Variants in UGGT2 observed in about 807,000 individuals in gnomAD.
UGGT2 encodes the protein UDP-glucose glycoprotein glucosyltransferase 2.
Under a neutral mutation model 192.1 loss-of-function variants are expected in UGGT2, and 180 were observed. The ratio of observed to expected loss-of-function variants is 0.94; its 90% CI spans 0.83 to 1.06. The LOEUF (loss-of-function observed/expected upper bound fraction) is 1.06. Among genes scored for constraint, UGGT2 ranks in the 50% least tolerant of loss-of-function variants. The pLI is 0.00. For synonymous variants in UGGT2, 580 were observed against 591.0 expected, an observed-to-expected ratio of 0.98 and a Z score of 0.27; for missense variants, 1,849 against 1,795.7, an observed-to-expected ratio of 1.03 and a Z score of -0.54.
chr13:96,026,817 G>A (rs1211675707), intron 2 of UGGT2, among the ~76,000 whole-genome samples: 3 of 151,910 alleles, frequency 2.0e-5, no homozygotes, highest in African/African-American at 2.4e-5. Context: ...GACTACAGGC[G>A]CCCTCCACCG....
In UGGT2 at chr13:95,902,985, A is replaced by T. The variant is rs1429682753; in HGVS notation, c.2371T>A (p.Ser791Thr). Residue 791 changes from serine (S) to threonine (T), a missense_variant, in exon 21 of 39, where the codon TCT becomes ACT. By Grantham distance (58) the Ser-to-Thr change is moderately conservative. Transcript: ENST00000376747. ...AGAAAAGCTGCCAAAATTCCTCTAG[A>T]AATAGCTGTGTTCTCTTCATTTATT... Reference protein sequence around the residue: ...SKINEENTAISRGILAAFLTQ... With the variant: ...SKINEENTAITRGILAAFLTQ... 4 of 1,613,360 alleles carry T rather than the reference A, an allele frequency of 2.5e-6. No homozygotes were observed. The highest frequency in any genetic ancestry group is 2.5e-6 in the Non-Finnish European group (3 of 1,179,704).
intron 38 of UGGT2, among the ~76,000 whole-genome samples, chr13:95,813,784 G>C (rs990656588): frequency 6.6e-6 from 1 of 152,186 alleles, no homozygotes; most frequent in African/African-American, 2.4e-5. Flanking sequence ...CAGAGACCTA[G>C]AAGGGAAGAA....
At chr13:95,982,502 C>G (rs1410740077) in intron 10 of UGGT2, among the ~76,000 whole-genome samples, 1 of 152,104 alleles carries the variant, frequency 6.6e-6, no homozygotes, top group African/African-American at 2.4e-5. Context: ...TCAGCCTTCC[C>G]CATGCATTAT....
At chr13:95,932,204 T>C (rs2049304678) in intron 17 of UGGT2, among the ~76,000 whole-genome samples, 1 of 152,190 alleles carries the variant, frequency 6.6e-6, no homozygotes, top group Non-Finnish European at 1.5e-5. Context: ...GCATGGAATG[T>C]TTACCCATTT....
chr13:95,911,728 C>G (rs1052760087), intron 20 of UGGT2, among the ~76,000 whole-genome samples: 1 of 152,134 alleles, frequency 6.6e-6, no homozygotes, highest in Admixed American at 6.5e-5. Flanking sequence ...CTCCCTAACT[C>G]AACTTATGAG....
At chr13:95,942,287 T>C (rs74106061) in intron 15 of UGGT2, among the ~76,000 whole-genome samples, 1,721 of 149,096 alleles carry the variant, frequency 0.012, 39 homozygotes, top group African/African-American at 0.039. Flanking sequence ...CTGTAGGAAA[T>C]GTGGAAATTT....
chr13:95,945,202 A>G (rs1379133175), intron 15 of UGGT2, among the ~76,000 whole-genome samples: 1 of 151,976 alleles, frequency 6.6e-6, no homozygotes, highest in Non-Finnish European at 1.5e-5. Flanking sequence ...CATATATTTT[A>G]TTATTATTTT....
At chr13:96,016,739 C>T (rs945949018) in intron 4 of UGGT2, among the ~76,000 whole-genome samples, 12 of 152,206 alleles carry the variant, frequency 7.9e-5, no homozygotes, top group Non-Finnish European at 1.5e-4. Flanking sequence ...TTGGAACGCC[C>T]ACACAGAGTC....
At chr13:95,947,277 T>A in intron 14 of UGGT2, 105 bp from the exon 15 acceptor site, 1 of 1,187,826 alleles carries the variant, frequency 8.4e-7, no homozygotes, top group Non-Finnish European at 1.2e-6. Flanking sequence ...GGAGAGAATG[T>A]ATTAATAGAC....
chr13:95,973,194 TAATA>T (rs2050831574), intron 10 of UGGT2, among the ~76,000 whole-genome samples: 1 of 151,634 alleles, frequency 6.6e-6, no homozygotes, highest in Non-Finnish European at 1.5e-5. Context: ...AAATAATAAA[TAATA>T]AATAAAAATA....
chr13:95,889,172 GCATACTAAAAAGCATCATACTA>G (rs74265277), intron 25 of UGGT2, among the ~76,000 whole-genome samples: 54,355 of 151,776 alleles, frequency 0.36, 10,129 homozygotes, highest in Middle Eastern at 0.41. Flanking sequence ...TAGGGATTTT[GCATACTAAAAAGCATCATACTA>G]GCTCCACTCC....
intron 10 of UGGT2, among the ~76,000 whole-genome samples, chr13:95,978,028 A>T (rs551454598): frequency 1.3e-5 from 2 of 152,114 alleles, no homozygotes; most frequent in Admixed American, 1.3e-4. Flanking sequence ...GCCAGGGGGT[A>T]GGGGGCAAGG....
intron 10 of UGGT2, among the ~76,000 whole-genome samples, chr13:95,980,661 A>C (rs990265340): frequency 2.6e-5 from 4 of 152,184 alleles, no homozygotes; most frequent in Non-Finnish European, 5.9e-5. Context: ...TTTTAACTAA[A>C]GCCTTTGCGC....
At chr13:96,007,475 T>C (rs1028188330) in intron 5 of UGGT2, among the ~76,000 whole-genome samples, 3 of 151,894 alleles carry the variant, frequency 2.0e-5, no homozygotes, top group Non-Finnish European at 4.4e-5. Context: ...GAGAAATAAA[T>C]AAAGGACATC....
Position 95,975,240 on chromosome 13 carries a change from T to G in UGGT2, c.1093-2569A>C, listed in dbSNP as rs149493339. ...TTAGAGCTTCCTAGATGACCTAGGA[T>G]TTGGGTTTTTAAGGGCCAATCTCAG... On this transcript the variant is annotated intron_variant, in intron 10 of 38. Transcript: ENST00000376747. Among the ~76,000 whole-genome samples, 7 of 152,272 alleles carry G rather than the reference T, an allele frequency of 4.6e-5. No individual in the cohort carries two copies. The East Asian group carries it at 1.2e-3, about 25-fold the overall frequency.
intron 20 of UGGT2, among the ~76,000 whole-genome samples, chr13:95,922,300 G>C (rs1332384335): frequency 1.3e-5 from 2 of 152,172 alleles, no homozygotes; most frequent in East Asian, 3.9e-4. Flanking sequence ...GACTACAAAA[G>C]GGGATGGGAA....
chr13:95,809,424 AT>A, intron 38 of UGGT2: 2 of 384,476 alleles, frequency 5.2e-6, no homozygotes. Flanking sequence ...ACTTCAGCCC[AT>A]TTTCCCTTTG....
intron 29 of UGGT2, among the ~76,000 whole-genome samples, chr13:95,871,660 TAG>T (rs1442221367): frequency 1.3e-5 from 2 of 152,136 alleles, no homozygotes; most frequent in African/African-American, 2.4e-5. Context: ...TGCTCTGAAC[TAG>T]AGTTTGTTGG....
At chr13:95,955,571 G>A (rs1216434971) in intron 12 of UGGT2, among the ~76,000 whole-genome samples, 2 of 152,018 alleles carry the variant, frequency 1.3e-5, no homozygotes, top group African/African-American at 4.8e-5. Flanking sequence ...AATTATAAAA[G>A]GATGTAACCC....
Sources: gnomAD v4.1 joint callset for allele counts (sites outside exome capture counted in the v4.1 genomes callset) on GRCh38, gnomAD v4.1.1 for gene constraint, MANE v1.5 for transcripts, NCBI Gene and HGNC (gene_info 2026-07-23, HGNC 2026-07-21) for gene names.